The following HAVCR2 variants were observed in gnomAD, a reference collection of about 807,000 sequenced individuals.
HAVCR2 encodes the protein hepatitis A virus cellular receptor 2.
Under a neutral mutation model 24.7 loss-of-function variants are expected in HAVCR2, and 13 were observed. The ratio of observed to expected loss-of-function variants is 0.53; its 90% confidence interval spans 0.34 to 0.84. The LOEUF (loss-of-function observed/expected upper bound fraction) is 0.84, where lower values mean the gene tolerates loss of function less well. Ranked by LOEUF, HAVCR2 falls within the 40% of genes least tolerant of loss-of-function variation. HAVCR2 has a pLI of 0.01. For missense variants in HAVCR2, 343 were observed against 371.2 expected, an observed-to-expected ratio of 0.92 and a Z score of 0.62; for synonymous variants, 154 against 143.4, an observed-to-expected ratio of 1.07 and a Z score of -0.53.
intron 4 of HAVCR2, among the ~76,000 whole-genome samples, chr5:157,095,756 T>A (rs1026803470): frequency 6.7e-6 from 1 of 150,286 alleles, no homozygotes; most frequent in African/African-American, 2.4e-5. Flanking sequence ...ACCCTTTCCC[T>A]GCCCCTGCAA....
chr5:157,089,654 G>A (rs1756966728), intron 5 of HAVCR2, among the ~76,000 whole-genome samples: 1 of 152,176 alleles, frequency 6.6e-6, no homozygotes, highest in South Asian at 2.1e-4. Context: ...AGAGAGGGTG[G>A]TCAGGGAAGG....
chr5:157,097,548 CTG>C (rs1293329780), intron 4 of HAVCR2, among the ~76,000 whole-genome samples: 1 of 152,122 alleles, frequency 6.6e-6, no homozygotes, highest in African/African-American at 2.4e-5. Flanking sequence ...GCATGAGACA[CTG>C]TGCCCGGCCT....
At chr5:157,091,012 AG>A (rs1381278586) in intron 5 of HAVCR2, among the ~76,000 whole-genome samples, 2 of 152,176 alleles carry the variant, frequency 1.3e-5, no homozygotes, top group African/African-American at 4.8e-5. Flanking sequence ...CCCAGCCCTA[AG>A]GAATCTCAAC....
At chr5:157,106,051 G>C (rs758230379) in intron 2 of HAVCR2, 6 of 152,522 alleles carry the variant, frequency 3.9e-5, no homozygotes, top group Non-Finnish European at 8.8e-5. Context: ...ATTCTAATGA[G>C]AGTCAGGGTC....
rs1561624439 is a variant in HAVCR2 at position 157,106,715 on chromosome 5, T to C, written c.306A>G (p.Leu102=). The part of the protein sequence containing the change: ...DVSLTIENVT[L]ADSGIYCCRI... The stretch of plus-strand genomic sequence containing the variant: ...GGCAGCAGTAGATCCCACTGTCTGC[T>C]AGAGTCACATTCTCTATGGTCAGGG... The change falls in exon 2 of 7, where the codon CTA becomes CTG. Residue 102 remains leucine, a synonymous_variant. Transcript: ENST00000307851. The C allele has an allele frequency of 1.2e-6, 2 of 1,614,236 alleles. No homozygotes were observed. The highest frequency in any genetic ancestry group is 1.7e-6 in the Non-Finnish European group (2 of 1,180,042).
At chr5:157,095,526 A>G in intron 4 of HAVCR2, 67 bp from the exon 5 acceptor site, 5 of 1,561,614 alleles carry the variant, frequency 3.2e-6, no homozygotes, top group Non-Finnish European at 4.4e-6. Flanking sequence ...CAGCTTCAAG[A>G]TTTGTGAATT....
intron 4 of HAVCR2, among the ~76,000 whole-genome samples, chr5:157,096,999 A>G (rs1269464573): frequency 1.3e-5 from 2 of 151,890 alleles, no homozygotes; most frequent in Non-Finnish European, 2.9e-5. Context: ...AATGAATTTA[A>G]GGAAGTTAAA....
intron 4 of HAVCR2, among the ~76,000 whole-genome samples, chr5:157,096,261 C>T (rs1376619878): frequency 6.7e-6 from 1 of 149,922 alleles, no homozygotes; most frequent in Non-Finnish European, 1.5e-5. Flanking sequence ...ATTCCCAGCT[C>T]TGCCACTAAG....
chr5:157,107,103 T>G, intron 1 of HAVCR2, 141 bp from the exon 2 acceptor site: 1 of 680,982 alleles, frequency 1.5e-6, no homozygotes. Context: ...GCTGTGACAA[T>G]GCTTCTCAGA....
In HAVCR2 at chr5:157,102,005, G is replaced by A. The variant is rs6886445; in HGVS notation, c.478+2661C>T. On this transcript the variant is annotated intron_variant, in intron 3 of 6. Transcript: ENST00000307851. ...TCTGTTTTCCAGGCTTCAGGACAGTGGTGAGATCTCGGTTCACTCCTCCCA... is the reference window on the plus strand; with the variant it reads ...TCTGTTTTCCAGGCTTCAGGACAGTAGTGAGATCTCGGTTCACTCCTCCCA... Among the ~76,000 whole-genome samples the A allele has an allele frequency of 4.1e-3, 593 of 145,118 alleles. 5 individuals carry two copies. Among genetic ancestry groups the A allele is most frequent in the African/African-American group, 0.014 (535 of 38,898 alleles).
At chr5:157,102,279 G>A (rs1757178604) in intron 3 of HAVCR2, among the ~76,000 whole-genome samples, 1 of 151,640 alleles carries the variant, frequency 6.6e-6, no homozygotes, top group Non-Finnish European at 1.5e-5. Context: ...TTGCCATGTT[G>A]CCCAGGCTGG....
In HAVCR2 at chr5:157,104,751, T is replaced by A. The variant is rs1757221840; in HGVS notation, c.395-2A>T. The A allele has an allele frequency of 3.8e-6, 6 of 1,586,412 alleles. No homozygotes were observed. Among genetic ancestry groups the A allele is most frequent in the Non-Finnish European group, 2.6e-6 (3 of 1,162,256 alleles). On this transcript the variant is annotated splice_acceptor_variant, in intron 2 of 6. Transcript: ENST00000307851. LOFTEE classifies it high-confidence loss of function. ...GAGTCGGTGCAGGGGTGACCTTGGCTAATGTCAGAAACAACATAAGGATGA... is the reference window on the plus strand; with the variant it reads ...GAGTCGGTGCAGGGGTGACCTTGGCAAATGTCAGAAACAACATAAGGATGA...
At chr5:157,096,393 G>A (rs12522883) in intron 4 of HAVCR2, among the ~76,000 whole-genome samples, 10,282 of 152,194 alleles carry the variant, frequency 0.068, 487 homozygotes, top group Admixed American at 0.16. Flanking sequence ...TATTGCTCTA[G>A]TTAACTTGAT....
intron 1 of HAVCR2, among the ~76,000 whole-genome samples, chr5:157,107,832 A>G (rs1389086075): frequency 6.6e-6 from 1 of 151,020 alleles, no homozygotes; most frequent in East Asian, 1.9e-4. Context: ...TCTAATGTAA[A>G]ATGCAGATTC....
intron 5 of HAVCR2, among the ~76,000 whole-genome samples, chr5:157,092,897 A>C (rs1026096573): frequency 1.4e-4 from 14 of 103,254 alleles, no homozygotes; most frequent in Middle Eastern, 3.9e-3. Flanking sequence ...AAAAAAAAAA[A>C]AAAAAAAAAA....
rs1051221392 is a variant in HAVCR2 at position 157,101,920 on chromosome 5, C to T, written c.478+2746G>A. ...CCTGCCAAGTAGCTGGGACTACAGG[C>T]ACATGCCACCATGCCCGGCTATTTT... On this transcript the variant is annotated intron_variant, in intron 3 of 6. Coordinates refer to ENST00000307851, the MANE Select transcript of HAVCR2 (RefSeq NM_032782.5). Among the ~76,000 whole-genome samples, 8 of 150,352 alleles carry T rather than the reference C, an allele frequency of 5.3e-5. No individual in the cohort carries two copies. In the Admixed American group the frequency reaches 5.3e-4, roughly 10 times the overall value.
chr5:157,095,323 C>T lies in HAVCR2; in HGVS notation c.659G>A (p.Gly220Asp). Reference protein sequence around the residue: ...CAGLALALIFGALIFKWYSHS... With the variant: ...CAGLALALIFDALIFKWYSHS... Reference sequence around the variant, plus strand: ...ACACTTACATTTGAAAATTAAAGCGCCGAAGATAAGAGCCAGAGCCAGCCC... The same window carrying T: ...ACACTTACATTTGAAAATTAAAGCGTCGAAGATAAGAGCCAGAGCCAGCCC... The change falls in exon 5 of 7, where the codon GGC (glycine) becomes GAC (aspartate). Residue 220 changes from glycine to aspartate, a missense_variant. Coordinates refer to ENST00000307851, the MANE Select transcript of HAVCR2 (RefSeq NM_032782.5). 6.2e-7 allele frequency: 1 copy of T among 1,613,654 alleles called. No homozygotes were observed. The highest frequency in any genetic ancestry group is 8.5e-7 in the Non-Finnish European group (1 of 1,179,898).
chr5:157,092,764 T>TATATTC, intron 5 of HAVCR2, among the ~76,000 whole-genome samples: 1 of 150,760 alleles, frequency 6.6e-6, no homozygotes, highest in Middle Eastern at 3.4e-3. Flanking sequence ...TAAATATGTA[T>TATATTC]ATATTCATCA....
intron 1 of HAVCR2, among the ~76,000 whole-genome samples, chr5:157,108,127 T>G (rs1210486822): frequency 6.6e-6 from 1 of 152,144 alleles, no homozygotes; most frequent in African/African-American, 2.4e-5. Flanking sequence ...TGATTTTTTA[T>G]GTCCCCTTTG....
Sources: allele counts gnomAD v4.1 joint callset (sites outside exome capture counted in the v4.1 genomes callset), GRCh38; gene constraint gnomAD v4.1.1; transcripts MANE v1.5; gene names NCBI Gene and HGNC (gene_info 2026-07-23, HGNC 2026-07-21).